PTPRS: variants seen among roughly 807,000 people sequenced by gnomAD.
PTPRS encodes the protein receptor-type tyrosine-protein phosphatase S.
In PTPRS, 63 loss-of-function variants were observed where a neutral mutation model predicts 215.3. The observed-to-expected ratio is 0.29, with a 90% CI of 0.24 to 0.36. The LOEUF is 0.36. Among genes scored for constraint, PTPRS ranks in the 10% least tolerant of loss-of-function variants. The pLI, the probability that PTPRS is intolerant of heterozygous loss-of-function variation, is 1.00. For missense variants in PTPRS, 2,258 were observed against 2,825.8 expected (o/e 0.80, Z 4.56); for synonymous variants, 1,404 against 1,191.4 (o/e 1.18, Z -3.68).
intron 1 of PTPRS, among the ~76,000 whole-genome samples, chr19:5,288,003 CA>C: frequency 7.1e-6 from 1 of 141,794 alleles, no homozygotes; most frequent in Admixed American, 6.9e-5. Flanking sequence ...CACACACACA[CA>C]CACACAATCA....
At chr19:5,250,157 C>T (rs1386293086) in intron 9 of PTPRS, among the ~76,000 whole-genome samples, 1 of 152,216 alleles carries the variant, frequency 6.6e-6, no homozygotes, top group African/African-American at 2.4e-5. Flanking sequence ...TCCTCTGACA[C>T]CTAAGAAACT....
chr19:5,306,561 G>C (rs1322339411), intron 1 of PTPRS, among the ~76,000 whole-genome samples: 2 of 152,140 alleles, frequency 1.3e-5, no homozygotes, highest in Non-Finnish European at 2.9e-5. Context: ...CCTGTGGTAG[G>C]ATCTTCCGTG....
intron 1 of PTPRS, among the ~76,000 whole-genome samples, chr19:5,333,913 G>C (rs1237441955): frequency 6.6e-6 from 1 of 152,138 alleles, no homozygotes; most frequent in Non-Finnish European, 1.5e-5. Flanking sequence ...CTTGTCAACC[G>C]ATCACTTTCC....
intron 4 of PTPRS, among the ~76,000 whole-genome samples, chr19:5,270,664 G>A (rs563238718): frequency 1.9e-4 from 29 of 151,952 alleles, no homozygotes; most frequent in Non-Finnish European, 3.5e-4. Context: ...TTGAGATGGA[G>A]TCTCCCTGTG....
intron 1 of PTPRS, among the ~76,000 whole-genome samples, chr19:5,332,864 A>G (rs1015808228): frequency 2.0e-5 from 3 of 152,206 alleles, no homozygotes; most frequent in Non-Finnish European, 4.4e-5. Flanking sequence ...AAAAAATGCA[A>G]TTTGTTAGAC....
chr19:5,326,812 T>C (rs146849761), intron 1 of PTPRS, among the ~76,000 whole-genome samples: 3 of 132,528 alleles, frequency 2.3e-5, no homozygotes, highest in African/African-American at 5.7e-5. Flanking sequence ...GGAGGGAGGA[T>C]AGAAGTAAAG....
intron 1 of PTPRS, among the ~76,000 whole-genome samples, chr19:5,319,115 C>CA (rs1309065255): frequency 1.3e-5 from 2 of 152,124 alleles, no homozygotes; most frequent in East Asian, 1.9e-4. Flanking sequence ...ACTCTACCTT[C>CA]AAAAGCCATC....
intron 1 of PTPRS, among the ~76,000 whole-genome samples, chr19:5,330,334 G>T (rs1056584589): frequency 2.0e-5 from 3 of 152,200 alleles, no homozygotes; most frequent in Non-Finnish European, 4.4e-5. Context: ...AAGACAAGGG[G>T]ACACCTGCCA....
chr19:5,256,048 G>C, intron 9 of PTPRS, 60 bp downstream of exon 9: 1 of 1,449,650 alleles, frequency 6.9e-7, no homozygotes, highest in Non-Finnish European at 9.5e-7. Context: ...GTGTGTGCGT[G>C]TCATTTTCAG....
chr19:5,275,947 C>T (rs983179553), intron 2 of PTPRS, among the ~76,000 whole-genome samples: 1 of 152,158 alleles, frequency 6.6e-6, no homozygotes, highest in African/African-American at 2.4e-5. Flanking sequence ...AACTCCTAGC[C>T]TCGAGCAATC....
intron 12 of PTPRS, among the ~76,000 whole-genome samples, chr19:5,239,723 GAAAC>G: frequency 6.6e-6 from 1 of 150,580 alleles, no homozygotes; most frequent in East Asian, 2.0e-4. Flanking sequence ...AGAGGAGAAA[GAAAC>G]AGATACAGAG....
intron 9 of PTPRS, among the ~76,000 whole-genome samples, chr19:5,252,873 CAAAA>C (rs769636796): frequency 2.2e-5 from 1 of 45,698 alleles, no homozygotes; most frequent in South Asian, 7.8e-4. Flanking sequence ...AACTCCATCT[CAAAA>C]AAAAAAAAAA....
intron 1 of PTPRS, among the ~76,000 whole-genome samples, chr19:5,336,264 G>C (rs1600156242): frequency 1.6e-5 from 1 of 62,010 alleles, no homozygotes; most frequent in South Asian, 4.6e-4. Context: ...TAAAGGAAAA[G>C]GGGGGGGGGC....
rs771133383 is a variant in PTPRS, at chr19:5,229,322, G to C, written c.2370C>G (p.Ala790=). 2.1e-5 allele frequency: 29 copies of C among 1,376,176 alleles called. No individual in the cohort carries two copies. The highest frequency in any genetic ancestry group is 3.1e-5 in the Admixed American group (1 of 32,460). The allele number at this position is 1,376,176 out of a possible 1,614,324, so 85.2% of individuals were successfully genotyped here. The change falls in exon 16 of 38, where the codon GCC becomes GCG. Residue 790 remains alanine, a synonymous_variant. Coordinates refer to ENST00000262963, the MANE Select transcript of PTPRS (RefSeq NM_002850.4). Reference sequence around the variant, plus strand: ...GGCCAGGGGCGCTACTTACATATTCGGCCGTGTCATCCGTCTCCCACTGAG... The same window carrying C: ...GGCCAGGGGCGCTACTTACATATTCCGCCGTGTCATCCGTCTCCCACTGAG... ...ADAQWETDDT[A]EYEMVITNLQ...
rs1743258062 is a variant in PTPRS at position 5,237,508 on chromosome 19, T to C, written c.1849+1411A>G. 6.6e-6 allele frequency among the ~76,000 whole-genome samples: 1 copy of C among 152,122 alleles called. No homozygotes were observed. Among genetic ancestry groups the C allele is most frequent in the Admixed American group, 6.5e-5 (1 of 15,274 alleles). On this transcript the variant is annotated intron_variant, in intron 13 of 37. Coordinates refer to ENST00000262963, the MANE Select transcript of PTPRS (RefSeq NM_002850.4). The surrounding 1 kb of genome is among the most constrained non-coding windows in gnomAD (Gnocchi z 4.2). The stretch of plus-strand genomic sequence containing the variant: ...ACCTGCATGACATCTCGGGAAGGGA[T>C]GTGTGCAAAGACGTGGATGTGCGTG...
Position 5,244,927 on chromosome 19 carries a change from C to T in PTPRS, c.989-445G>A, listed in dbSNP as rs1382011467. Among the ~76,000 whole-genome samples, 2 of 152,060 alleles carry T rather than the reference C, an allele frequency of 1.3e-5. No homozygotes were observed. The highest frequency in any genetic ancestry group is 2.9e-5 in the Non-Finnish European group (2 of 68,018). ...TCGTGATCCGCCCGCCTCGGCCTCC[C>T]GAAGTGCTGGGATTACAGGTGTGAG... is the stretch of plus-strand genomic sequence containing the variant. On this transcript the variant is annotated intron_variant, in intron 10 of 37. Coordinates refer to ENST00000262963, the MANE Select transcript of PTPRS (RefSeq NM_002850.4). The surrounding 1 kb of genome is among the most constrained non-coding windows in gnomAD (Gnocchi z 7.2).
At chr19:5,216,632 CAG>C (rs920397553) in intron 26 of PTPRS, 86 bp downstream of exon 26, 2 of 1,149,390 alleles carry the variant, frequency 1.7e-6, no homozygotes, top group Non-Finnish European at 2.5e-6. Flanking sequence ...GGCGTGTGGA[CAG>C]AGACAGGAGA....
At chr19:5,278,791 T>TA (rs2047609446) in intron 2 of PTPRS, among the ~76,000 whole-genome samples, 1 of 151,868 alleles carries the variant, frequency 6.6e-6, no homozygotes, top group African/African-American at 2.4e-5. Context: ...CTTTTTAAAA[T>TA]AAACTACTAG....
At chr19:5,268,909 C>T (rs747250178) in intron 4 of PTPRS, among the ~76,000 whole-genome samples, 1 of 152,210 alleles carries the variant, frequency 6.6e-6, no homozygotes, top group Non-Finnish European at 1.5e-5. Flanking sequence ...CTGAAGGGGG[C>T]ATGGCTGGAT....
Sources: gnomAD v4.1 joint callset for allele counts (sites outside exome capture counted in the v4.1 genomes callset) on GRCh38, gnomAD v4.1.1 for gene constraint, Gnocchi (gnomAD v3.1) non-coding constraint, MANE v1.5 for transcripts, NCBI Gene and HGNC (gene_info 2026-07-23, HGNC 2026-07-21) for gene names.